CALCR: variants seen among roughly 807,000 people sequenced by gnomAD.
CALCR encodes the protein calcitonin receptor.
CALCR carries 47 observed loss-of-function variants against 59.5 expected under a neutral mutation model. That is an observed-to-expected ratio of 0.79 (90% CI 0.63 to 1.01). The LOEUF (loss-of-function observed/expected upper bound fraction) is 1.01, where lower values mean the gene tolerates loss of function less well. Among genes scored for constraint, CALCR ranks in the 50% least tolerant of loss-of-function variants. The pLI, the probability that CALCR is intolerant of heterozygous loss-of-function variation, is 0.00. For missense variants in CALCR, 566 were observed against 597.1 expected, an observed-to-expected ratio of 0.95 and a Z score of 0.54; for synonymous variants, 213 against 211.3, an observed-to-expected ratio of 1.01 and a Z score of -0.07.
At position 93,511,370 on chromosome 7, in the gene CALCR, A is replaced by T. The variant is rs116548910; in HGVS notation, c.-26-24363T>A. ...ATATTTCATAACTACTCAAAATTTAATCTAAATTCCTTAAAAACAATTAAG... is the reference window on the plus strand; with the variant it reads ...ATATTTCATAACTACTCAAAATTTATTCTAAATTCCTTAAAAACAATTAAG... On this transcript the variant is annotated intron_variant, in intron 2 of 13. Coordinates refer to ENST00000426151, the MANE Select transcript of CALCR (RefSeq NM_001742.4). 3.3e-3 allele frequency among the ~76,000 whole-genome samples: 498 copies of T among 152,212 alleles called. 2 individuals are homozygous for T. Among genetic ancestry groups the T allele is most frequent in the African/African-American group, 0.012 (488 of 41,548 alleles).
At chr7:93,555,048 C>A (rs1048181083) in intron 2 of CALCR, among the ~76,000 whole-genome samples, 3 of 151,970 alleles carry the variant, frequency 2.0e-5, no homozygotes, top group Non-Finnish European at 2.9e-5. Context: ...TGGGTACTGA[C>A]CCCACTGAGG....
At chr7:93,445,300 G>GT (rs1799987496) in intron 8 of CALCR, among the ~76,000 whole-genome samples, 4 of 152,020 alleles carry the variant, frequency 2.6e-5, no homozygotes, top group Admixed American at 1.3e-4. Flanking sequence ...TAACACCCAA[G>GT]TATATAAATA....
At chr7:93,476,038 T>C (rs1382844167) in intron 5 of CALCR, among the ~76,000 whole-genome samples, 1 of 151,826 alleles carries the variant, frequency 6.6e-6, no homozygotes, top group Non-Finnish European at 1.5e-5. Context: ...TCAAATTCTA[T>C]TGATCTGGAC....
At chr7:93,478,251 T>C (rs1249600850) in intron 4 of CALCR, among the ~76,000 whole-genome samples, 1 of 151,874 alleles carries the variant, frequency 6.6e-6, no homozygotes, top group Non-Finnish European at 1.5e-5. Context: ...GAATAATATG[T>C]ATCTGCCTTT....
At chr7:93,479,237 A>G in intron 4 of CALCR, 117 bp downstream of exon 4, 1 of 1,026,638 alleles carries the variant, frequency 9.7e-7, no homozygotes, top group South Asian at 1.7e-5. Context: ...TAGTGTGAAA[A>G]CTGCTGTGAA....
intron 2 of CALCR, among the ~76,000 whole-genome samples, chr7:93,527,147 A>T (rs1167119711): frequency 6.6e-6 from 1 of 151,932 alleles, no homozygotes; most frequent in East Asian, 1.9e-4. Flanking sequence ...ACTCAATAAC[A>T]TATCTTCTTT....
intron 2 of CALCR, among the ~76,000 whole-genome samples, chr7:93,561,333 A>G (rs1263275146): frequency 6.6e-6 from 1 of 152,084 alleles, no homozygotes; most frequent in Non-Finnish European, 1.5e-5. Flanking sequence ...AAATTCTTTA[A>G]AAACCATAAA....
At chr7:93,546,603 G>A (rs1789294453) in intron 2 of CALCR, among the ~76,000 whole-genome samples, 5 of 150,742 alleles carry the variant, frequency 3.3e-5, no homozygotes, top group Non-Finnish European at 7.4e-5. Flanking sequence ...ACAGGGTGGA[G>A]TGCAGTGGTG....
Position 93,424,580 on chromosome 7 carries a change from A to G in CALCR, c.*1776T>C, listed in dbSNP as rs1251854599. On this transcript the variant is annotated 3_prime_UTR_variant, in exon 14 of 14. Coordinates refer to ENST00000426151, the MANE Select transcript of CALCR (RefSeq NM_001742.4). Reference sequence around the variant, plus strand: ...ACTCTGTATTAATTTATACATATACACAAGCATAAGCATTTCACATAATTT... The same window carrying G: ...ACTCTGTATTAATTTATACATATACGCAAGCATAAGCATTTCACATAATTT... 1 of 152,648 alleles carries G rather than the reference A, an allele frequency of 6.6e-6. No individual in the cohort carries two copies. The highest frequency in any genetic ancestry group is 1.5e-5 in the Non-Finnish European group (1 of 68,010). The allele number at this position is 152,648 out of a possible 1,614,324, so 9.5% of individuals were successfully genotyped here. A position where few individuals can be genotyped will look rare whatever the true frequency, so the allele number is the denominator to read the frequency against.
At chr7:93,507,255 C>T (rs557612477) in intron 2 of CALCR, among the ~76,000 whole-genome samples, 11 of 147,970 alleles carry the variant, frequency 7.4e-5, no homozygotes, top group African/African-American at 2.0e-4. Flanking sequence ...CACACACACA[C>T]GAGTAAATAG....
chr7:93,471,252 A>C (rs981394237), intron 6 of CALCR, among the ~76,000 whole-genome samples: 1 of 151,696 alleles, frequency 6.6e-6, no homozygotes, highest in Non-Finnish European at 1.5e-5. Flanking sequence ...CATAATCAAC[A>C]CTCATTCGGA....
intron 2 of CALCR, among the ~76,000 whole-genome samples, chr7:93,539,962 A>G (rs974625761): frequency 1.1e-4 from 16 of 152,162 alleles, no homozygotes; most frequent in African/African-American, 3.9e-4. Context: ...AGCAGCAGAG[A>G]TGAGAATAAG....
intron 2 of CALCR, among the ~76,000 whole-genome samples, chr7:93,572,288 C>T (rs1413165074): frequency 6.6e-6 from 1 of 151,862 alleles, no homozygotes; most frequent in Non-Finnish European, 1.5e-5. Context: ...TTATCAAAAG[C>T]CTCCCACATC....
chr7:93,476,782 G>A (rs1800675928), intron 5 of CALCR, among the ~76,000 whole-genome samples: 1 of 151,878 alleles, frequency 6.6e-6, no homozygotes. Context: ...GAGTCAATAA[G>A]GGCCTGAAGG....
At chr7:93,493,545 T>C (rs1286997974) in intron 2 of CALCR, among the ~76,000 whole-genome samples, 1 of 151,422 alleles carries the variant, frequency 6.6e-6, no homozygotes, top group African/African-American at 2.4e-5. Context: ...CAACAGCCTC[T>C]AGACCAGTTT....
chr7:93,462,013 A>C (rs991142662), intron 7 of CALCR: 1 of 1,076,722 alleles, frequency 9.3e-7, no homozygotes, highest in African/African-American at 1.6e-5. Flanking sequence ...AATTTTGAAA[A>C]GGAAATTCTG....
chr7:93,544,509 T>C (rs978298751), intron 2 of CALCR, among the ~76,000 whole-genome samples: 2 of 152,194 alleles, frequency 1.3e-5, no homozygotes, highest in African/African-American at 4.8e-5. Context: ...CTTAGATGTA[T>C]TTTTAATAAC....
intron 8 of CALCR, among the ~76,000 whole-genome samples, chr7:93,449,362 T>G (rs1005386530): frequency 1.3e-5 from 2 of 152,058 alleles, no homozygotes; most frequent in Admixed American, 1.3e-4. Context: ...TGATAAAGAT[T>G]TGTGGTCTAT....
chr7:93,513,944 C>A (rs752213685), intron 2 of CALCR, among the ~76,000 whole-genome samples: 1 of 151,454 alleles, frequency 6.6e-6, no homozygotes, highest in East Asian at 1.9e-4. Flanking sequence ...TTATTGTGAC[C>A]TGGGCCTGCT....
Sources: gnomAD v4.1 joint callset for allele counts (sites outside exome capture counted in the v4.1 genomes callset) on GRCh38, gnomAD v4.1.1 for gene constraint, MANE v1.5 for transcripts, NCBI Gene and HGNC (gene_info 2026-07-23, HGNC 2026-07-21) for gene names.